Variants in HAS3 observed in about 807,000 individuals in gnomAD.
HAS3 encodes the protein hyaluronan synthase 3.
HAS3 carries 27 observed loss-of-function variants against 50.3 expected under a neutral mutation model. The ratio of observed to expected loss-of-function variants is 0.54; its 90% CI spans 0.40 to 0.74. The LOEUF is 0.74. Among genes scored for constraint, HAS3 ranks in the 30% least tolerant of loss-of-function variants. The pLI is 0.00. For missense variants in HAS3, 517 were observed against 742.8 expected, an observed-to-expected ratio of 0.70 and a Z score of 3.53; for synonymous variants, 339 against 310.9, an observed-to-expected ratio of 1.09 and a Z score of -0.95.
At chr16:69,085,494 G>A in the HAS3 span, among the ~76,000 whole-genome samples, 1 of 151,938 alleles carries the variant, frequency 6.6e-6, no homozygotes, top group East Asian at 1.9e-4. Context: ...TCAACTTCTG[G>A]ACTCAAGCAG....
chr16:69,100,682 C>G (rs1960688073), upstream of HAS3, among the ~76,000 whole-genome samples: 1 of 152,208 alleles, frequency 6.6e-6, no homozygotes, highest in African/African-American at 2.4e-5. Context: ...CAAGGTTGCT[C>G]TGCAGCTTCC....
At chr16:69,098,198 C>T in the HAS3 span, among the ~76,000 whole-genome samples, 7 of 152,110 alleles carry the variant, frequency 4.6e-5, no homozygotes, top group Admixed American at 1.3e-4. Context: ...AGTGAAACCC[C>T]GTCTCTACTA....
chr16:69,095,879 A>T, the HAS3 span, among the ~76,000 whole-genome samples: 2 of 152,212 alleles, frequency 1.3e-5, no homozygotes, highest in Admixed American at 6.5e-5. Flanking sequence ...GATGTCTTTC[A>T]TCAAGAAAGA....
At chr16:69,105,293 T>C (rs943278642), upstream of HAS3, among the ~76,000 whole-genome samples, 3 of 152,102 alleles carry the variant, frequency 2.0e-5, no homozygotes, top group African/African-American at 7.2e-5. Context: ...CTTCAGCTGG[T>C]TCTAAACTTC....
upstream of HAS3, among the ~76,000 whole-genome samples, chr16:69,101,632 G>A (rs1960697628): frequency 6.6e-6 from 1 of 152,052 alleles, no homozygotes; most frequent in African/African-American, 2.4e-5. Flanking sequence ...TACCTAAAAT[G>A]TTCTTCCCTT....
At chr16:69,110,403 CTTA>C (rs1208795646) in intron 2 of HAS3, among the ~76,000 whole-genome samples, 16 of 152,184 alleles carry the variant, frequency 1.1e-4, no homozygotes, top group East Asian at 9.7e-4. Flanking sequence ...CACACCCGGC[CTTA>C]TTATTATTAT....
the HAS3 span, among the ~76,000 whole-genome samples, chr16:69,095,421 T>C: frequency 6.6e-6 from 1 of 152,226 alleles, no homozygotes; most frequent in East Asian, 1.9e-4. Flanking sequence ...TTGACTGGCC[T>C]CTCGGTGCCA....
intron 2 of HAS3, 75 bp downstream of exon 2, chr16:69,110,106 C>A (rs752906964): frequency 2.8e-6 from 4 of 1,430,516 alleles, no homozygotes; most frequent in African/African-American, 1.4e-5. Flanking sequence ...CGCCAAGAAT[C>A]TGAGGTCTGG....
In HAS3 at chr16:69,115,318, G is replaced by T; in HGVS notation, c.*52G>T. ...GTGCAATGGGTAAGGGAGGGAAGGGGAATGGAAGAGAAAAGACAGGGTGGG... is the reference window on the plus strand; with the variant it reads ...GTGCAATGGGTAAGGGAGGGAAGGGTAATGGAAGAGAAAAGACAGGGTGGG... On this transcript the variant is annotated 3_prime_UTR_variant, in exon 4 of 4. Transcript: ENST00000569188. 2 of 1,469,358 alleles carry T rather than the reference G, an allele frequency of 1.4e-6. No homozygotes were observed. The allele number at this position is 1,469,358 out of a possible 1,614,324, so 91.0% of individuals were successfully genotyped here.
chr16:69,087,085 G>A, the HAS3 span, among the ~76,000 whole-genome samples: 1 of 152,124 alleles, frequency 6.6e-6, no homozygotes, highest in Admixed American at 6.5e-5. Context: ...GCTTGCTGAG[G>A]CTCTGCTGGC....
Position 69,116,249 on chromosome 16 carries a change from C to T in HAS3, c.*983C>T. 1 of 985,624 alleles carries T rather than the reference C, an allele frequency of 1.0e-6. No individual in the cohort carries two copies. The highest frequency in any genetic ancestry group is 1.2e-6 in the Non-Finnish European group (1 of 829,922). The allele number at this position is 985,624 out of a possible 1,614,324, so 61.1% of individuals were successfully genotyped here. A position where few individuals can be genotyped will look rare whatever the true frequency, so the allele number is the denominator to read the frequency against. On this transcript the variant is annotated 3_prime_UTR_variant, in exon 4 of 4. Transcript: ENST00000569188. ...TCACTGCAGTCACCTCTTCTACCCT[C>T]ATCATCATAGGTAAGGTTTTCAAGG... is the stretch of plus-strand genomic sequence containing the variant.
the HAS3 span, among the ~76,000 whole-genome samples, chr16:69,095,916 T>G: frequency 6.6e-6 from 1 of 152,084 alleles, no homozygotes; most frequent in African/African-American, 2.4e-5. Flanking sequence ...CCAGCACAAT[T>G]AAGAATTGTG....
chr16:69,109,806 C>G lies in HAS3; in HGVS notation c.411C>G (p.His137Gln). 1 of 1,612,312 alleles carries G rather than the reference C, an allele frequency of 6.2e-7. No homozygotes were observed. The highest frequency in any genetic ancestry group is 8.5e-7 in the Non-Finnish European group (1 of 1,180,004). The change falls in exon 2 of 4, where the codon CAC becomes CAG. Residue 137 changes from histidine to glutamine, a missense_variant. Transcript: ENST00000569188. This position sits in a 1 kb window ranked among gnomAD's most constrained non-coding sequence, Gnocchi z 5.3. ...ACGCCTACATGCTGGACATCTTCCA[C>G]GAGGTGCTGGGCGGCACCGAGCAGG... is the stretch of plus-strand genomic sequence containing the variant. The part of the protein sequence containing the change: ...QEDAYMLDIF[H>Q]EVLGGTEQAG...
At chr16:69,099,227 T>G in the HAS3 span, among the ~76,000 whole-genome samples, 1 of 151,724 alleles carries the variant, frequency 6.6e-6, no homozygotes, top group Admixed American at 6.6e-5. Context: ...CGCCTCGGCC[T>G]CCCAAAGTGC....
rs184010153 is a variant in HAS3, at chr16:69,114,246, G to A, written c.739-97G>A. 3,001 of 1,496,774 alleles carry A rather than the reference G, an allele frequency of 2.0e-3. 25 individuals are homozygous for A. The Middle Eastern group carries it at 0.045, about 22-fold the overall frequency. 92.7% of individuals were successfully genotyped at this position (1,496,774 alleles called of 1,614,324 possible). ...ACCGATGGCCAGGAATCTAAGCAGC[G>A]GGCCACAGAAGCCATGGTAAGGAGG... On this transcript the variant is annotated intron_variant, in intron 3 of 3. Coordinates refer to ENST00000569188, the MANE Select transcript of HAS3 (RefSeq NM_001199280.2). The surrounding 1 kb of genome is among the most constrained non-coding windows in gnomAD (Gnocchi z 6.4).
chr16:69,102,909 T>G (rs117553228), upstream of HAS3, among the ~76,000 whole-genome samples: 4,779 of 152,272 alleles, frequency 0.031, 106 homozygotes, highest in Non-Finnish European at 0.042. Context: ...CCAAACTGGC[T>G]TCTCCATTCC....
chr16:69,118,291 C>T, downstream of HAS3: 4 of 1,056,880 alleles, frequency 3.8e-6, no homozygotes, highest in Non-Finnish European at 5.9e-6. Flanking sequence ...GTCAGTCAAG[C>T]AGAAACTGCA....
At chr16:69,100,584 A>G in the HAS3 span, among the ~76,000 whole-genome samples, 2 of 152,008 alleles carry the variant, frequency 1.3e-5, no homozygotes, top group African/African-American at 2.4e-5. Flanking sequence ...TAGAGCTTGG[A>G]TGCCCCTCCT....
At chr16:69,097,166 G>A in the HAS3 span, among the ~76,000 whole-genome samples, 2 of 151,666 alleles carry the variant, frequency 1.3e-5, no homozygotes. Context: ...AAGAATTATG[G>A]TTGATTTTAT....
Sources: gnomAD v4.1 joint callset for allele counts (sites outside exome capture counted in the v4.1 genomes callset) on GRCh38, gnomAD v4.1.1 for gene constraint, Gnocchi (gnomAD v3.1) non-coding constraint, MANE v1.5 for transcripts, NCBI Gene and HGNC (gene_info 2026-07-23, HGNC 2026-07-21) for gene names.